Variants in STAU2 observed in about 807,000 individuals in gnomAD.
STAU2 encodes staufen double-stranded RNA binding protein 2.
In STAU2, 20 loss-of-function variants were observed where a neutral mutation model predicts 65.9. The observed-to-expected ratio is 0.30, with a 90% confidence interval of 0.21 to 0.44. The LOEUF (loss-of-function observed/expected upper bound fraction) is 0.44, where lower values mean the gene tolerates loss of function less well. STAU2 is among the 20% of genes least tolerant of loss of function. The pLI is 1.00. For synonymous variants in STAU2, 232 were observed against 233.9 expected (o/e 0.99, Z 0.07); for missense variants, 558 against 683.9 (o/e 0.82, Z 2.05).
chr8:73,712,081 T>C (rs1253658512), intron 3 of STAU2, among the ~76,000 whole-genome samples: 1 of 152,086 alleles, frequency 6.6e-6, no homozygotes, highest in East Asian at 1.9e-4. Flanking sequence ...CTGAGACACA[T>C]AAAAAAGTTA....
In STAU2 at chr8:73,734,241, T is replaced by TG. The variant is rs556576479; in HGVS notation, c.-18+4042_-18+4043insC. Reference sequence around the variant, plus strand: ...TTTGTTTTTCAGGGTTTGTTTTTTTTTTTTTTTGCTTATCACACCTAATTT... The same window carrying TG: ...TTTGTTTTTCAGGGTTTGTTTTTTTTGTTTTTTTGCTTATCACACCTAATTT... On this transcript the variant is annotated intron_variant, in intron 3 of 14. Transcript: ENST00000524300. Among the ~76,000 whole-genome samples the TG allele has an allele frequency of 1.9e-3, 287 of 149,952 alleles. 1 individual carries two copies. Among genetic ancestry groups the TG allele is most frequent in the African/African-American group, 5.5e-3 (227 of 41,214 alleles).
chr8:73,649,653 C>T (rs1365463894), intron 6 of STAU2, among the ~76,000 whole-genome samples: 1 of 151,628 alleles, frequency 6.6e-6, no homozygotes, highest in Non-Finnish European at 1.5e-5. Flanking sequence ...GCTCACTAAG[C>T]TTCTTTCTCT....
chr8:73,522,547 T>C (rs746453874), intron 13 of STAU2, among the ~76,000 whole-genome samples: 14 of 152,210 alleles, frequency 9.2e-5, no homozygotes, highest in Non-Finnish European at 1.6e-4. Context: ...TCAGTGACCT[T>C]TGTATGCACT....
At chr8:73,688,560 C>T (rs1586276904) in intron 5 of STAU2, 94 bp downstream of exon 5, 2 of 1,222,066 alleles carry the variant, frequency 1.6e-6, no homozygotes, top group East Asian at 2.5e-5. Flanking sequence ...ACTATTAATA[C>T]TTGCTCACTC....
chr8:73,521,129 A>G (rs1315595109), intron 13 of STAU2, among the ~76,000 whole-genome samples: 2 of 152,226 alleles, frequency 1.3e-5, no homozygotes, highest in Admixed American at 1.3e-4. Context: ...TAGTTCTAAA[A>G]TATCATTAGT....
chr8:73,575,970 G>C (rs1037856203), intron 12 of STAU2, among the ~76,000 whole-genome samples: 2 of 152,070 alleles, frequency 1.3e-5, no homozygotes, highest in Admixed American at 1.3e-4. Flanking sequence ...TAATGAAATA[G>C]TGGAATTTGA....
intron 13 of STAU2, among the ~76,000 whole-genome samples, chr8:73,466,029 CCT>C (rs1191416015): frequency 1.3e-5 from 2 of 152,142 alleles, no homozygotes; most frequent in Admixed American, 6.5e-5. Flanking sequence ...TTGGCTCACC[CCT>C]GTTTTCAAAG....
chr8:73,535,338 T>C (rs944957477), intron 13 of STAU2, among the ~76,000 whole-genome samples: 1 of 151,944 alleles, frequency 6.6e-6, no homozygotes, highest in African/African-American at 2.4e-5. Context: ...CCTGGCTAAT[T>C]TTTTGTATTT....
At chr8:73,718,768 T>A (rs1041757761) in intron 3 of STAU2, among the ~76,000 whole-genome samples, 1 of 152,224 alleles carries the variant, frequency 6.6e-6, no homozygotes, top group South Asian at 2.1e-4. Context: ...TTGTTAGACT[T>A]ATCTCTAAGT....
chr8:73,476,992 C>T (rs1321320261), intron 13 of STAU2, among the ~76,000 whole-genome samples: 4 of 152,208 alleles, frequency 2.6e-5, no homozygotes, highest in African/African-American at 9.7e-5. Context: ...ACAAGTATTA[C>T]TGAGCACCTA....
chr8:73,651,223 C>T, intron 6 of STAU2: 1 of 789,058 alleles, frequency 1.3e-6, no homozygotes, highest in Non-Finnish European at 2.1e-6. Context: ...GTCCTCAAAT[C>T]TGCCTCCGCC....
At chr8:73,734,654 C>T (rs1459143088) in intron 3 of STAU2, among the ~76,000 whole-genome samples, 2 of 151,904 alleles carry the variant, frequency 1.3e-5, no homozygotes, top group African/African-American at 2.4e-5. Flanking sequence ...ATTAGCCGGG[C>T]GTGGTGGCAT....
chr8:73,575,928 C>T (rs1809514390), intron 12 of STAU2, among the ~76,000 whole-genome samples: 1 of 151,800 alleles, frequency 6.6e-6, no homozygotes, highest in Admixed American at 6.6e-5. Flanking sequence ...CATTTAAAAA[C>T]CCCAGTAAAA....
At chr8:73,710,919 A>C (rs559349902) in intron 3 of STAU2, among the ~76,000 whole-genome samples, 1 of 152,016 alleles carries the variant, frequency 6.6e-6, no homozygotes, top group South Asian at 2.1e-4. Flanking sequence ...TAATATTAAA[A>C]ATAATATTCT....
At chr8:73,705,081 T>C (rs903242196) in intron 4 of STAU2, among the ~76,000 whole-genome samples, 2 of 152,274 alleles carry the variant, frequency 1.3e-5, no homozygotes, top group South Asian at 4.1e-4. Flanking sequence ...CAACAGACCT[T>C]TTACTAAGGG....
chr8:73,567,749 C>T (rs1178969201), intron 12 of STAU2, among the ~76,000 whole-genome samples: 3 of 151,822 alleles, frequency 2.0e-5, no homozygotes, highest in South Asian at 2.1e-4. Flanking sequence ...GGAGTTTCAC[C>T]GTGTTGGCCA....
upstream of STAU2, chr8:73,747,340 T>G: frequency 6.5e-7 from 1 of 1,529,340 alleles, no homozygotes; most frequent in South Asian, 1.2e-5. Context: ...CGACTGACCG[T>G]CTGCTCTTTC....
At chr8:73,567,669 T>A (rs976176715) in intron 12 of STAU2, among the ~76,000 whole-genome samples, 1 of 151,886 alleles carries the variant, frequency 6.6e-6, no homozygotes. Context: ...CACCTTGGCC[T>A]CCTGAGTAAT....
intron 6 of STAU2, chr8:73,651,602 T>C: frequency 1.5e-6 from 1 of 675,850 alleles, no homozygotes; most frequent in Non-Finnish European, 2.6e-6. Context: ...TCTGATGCTG[T>C]CCCCTGGCTC....
Sources: allele counts gnomAD v4.1 joint callset (sites outside exome capture counted in the v4.1 genomes callset), GRCh38; gene constraint gnomAD v4.1.1; transcripts MANE v1.5; gene names NCBI Gene and HGNC (gene_info 2026-07-23, HGNC 2026-07-21).